Variants in CHODL observed in about 807,000 individuals in gnomAD.
The protein encoded by CHODL is transmembrane protein MT75.
A neutral mutation model predicts 34.5 loss-of-function variants in CHODL; 29 were observed. The ratio of observed to expected loss-of-function variants is 0.84; its 90% confidence interval spans 0.63 to 1.15. The LOEUF (loss-of-function observed/expected upper bound fraction) is 1.15, where lower values mean the gene tolerates loss of function less well. CHODL is among the 50% of genes most tolerant of loss of function. The pLI is 0.00. For missense variants in CHODL, 332 were observed against 332.5 expected (o/e 1.00, Z 0.01); for synonymous variants, 125 against 116.1 (o/e 1.08, Z -0.49).
chr21:18,213,950 C>T (rs533322154), intron 2 of CHODL, among the ~76,000 whole-genome samples: 8 of 152,068 alleles, frequency 5.3e-5, no homozygotes, highest in South Asian at 2.1e-4. Context: ...ATAACTTTTT[C>T]ATCTTAATAA....
intron 1 of CHODL, among the ~76,000 whole-genome samples, chr21:17,975,279 C>T (rs931661065): frequency 3.3e-5 from 5 of 151,906 alleles, no homozygotes; most frequent in African/African-American, 1.2e-4. Flanking sequence ...CATATGGACA[C>T]GTGTACTTGA....
chr21:18,069,940 C>A (rs2064776139), intron 2 of CHODL, among the ~76,000 whole-genome samples: 1 of 150,248 alleles, frequency 6.7e-6, no homozygotes, highest in Non-Finnish European at 1.5e-5. Context: ...CTCTCCCTCC[C>A]TCACTTCTTC....
At chr21:18,175,181 T>G (rs768587170) in intron 2 of CHODL, among the ~76,000 whole-genome samples, 28 of 152,222 alleles carry the variant, frequency 1.8e-4, no homozygotes, top group Non-Finnish European at 3.5e-4. Context: ...TAAATTGCAG[T>G]ACAGATGCAT....
intron 2 of CHODL, among the ~76,000 whole-genome samples, chr21:18,154,976 A>G (rs116952370): frequency 0.011 from 1,724 of 152,302 alleles, 19 homozygotes; most frequent in Non-Finnish European, 0.016. Context: ...GGTCATCACC[A>G]TGTAGGGCAT....
chr21:18,003,798 G>A (rs2063934206), intron 1 of CHODL, among the ~76,000 whole-genome samples: 1 of 152,182 alleles, frequency 6.6e-6, no homozygotes, highest in African/African-American at 2.4e-5. Flanking sequence ...CCAGCACAGG[G>A]CTTCAGCTCA....
chr21:17,991,261 A>T (rs982942463), intron 1 of CHODL, among the ~76,000 whole-genome samples: 1 of 152,104 alleles, frequency 6.6e-6, no homozygotes, highest in African/African-American at 2.4e-5. Context: ...TGCAGCAATA[A>T]ATGCTGGGGT....
intron 2 of CHODL, among the ~76,000 whole-genome samples, chr21:18,195,345 C>A (rs1298548279): frequency 6.6e-6 from 1 of 152,188 alleles, no homozygotes; most frequent in African/African-American, 2.4e-5. Flanking sequence ...TGAGCCACCG[C>A]ACCCAGCCCA....
intron 2 of CHODL, among the ~76,000 whole-genome samples, chr21:18,062,269 G>T (rs757060563): frequency 2.0e-5 from 3 of 151,994 alleles, no homozygotes; most frequent in Non-Finnish European, 4.4e-5. Context: ...TTATACAGGC[G>T]CCATCTCAGC....
intron 2 of CHODL, among the ~76,000 whole-genome samples, chr21:18,200,290 A>C (rs899296111): frequency 1.3e-5 from 2 of 152,198 alleles, no homozygotes; most frequent in Non-Finnish European, 2.9e-5. Flanking sequence ...AAAGAATTAT[A>C]CTGACAAAAT....
chr21:18,232,634 T>C (rs1252311269), intron 2 of CHODL, among the ~76,000 whole-genome samples: 1 of 152,022 alleles, frequency 6.6e-6, no homozygotes, highest in Non-Finnish European at 1.5e-5. Flanking sequence ...ATTCAGACGA[T>C]AGCAGTATTA....
chr21:18,245,826 A>G lies in CHODL; in HGVS notation c.79+524A>G, dbSNP rs1177266184. 5.0e-6 allele frequency: 6 copies of G among 1,190,566 alleles called. No individual in the cohort carries two copies. In the East Asian group the frequency reaches 1.0e-4, roughly 20 times the overall value. The allele number at this position is 1,190,566 out of a possible 1,614,324, so 73.8% of individuals were successfully genotyped here. A position where few individuals can be genotyped will look rare whatever the true frequency, so the allele number is the denominator to read the frequency against. ...TTCGGTCTTTGTTCTCAGCAGGACT[A>G]CTGGCAAGGAACTGAAGTGTGGTCA... On this transcript the variant is annotated intron_variant, in intron 1 of 5. Transcript: ENST00000299295.
intron 2 of CHODL, among the ~76,000 whole-genome samples, chr21:18,072,229 A>G (rs566682469): frequency 5.9e-5 from 9 of 152,174 alleles, no homozygotes; most frequent in African/African-American, 2.2e-4. Flanking sequence ...TATAATTCTG[A>G]TTGAAAAACA....
chr21:18,196,029 C>T lies in CHODL; in HGVS notation c.-44-60480C>T, dbSNP rs796560658. On this transcript the variant is annotated intron_variant, in intron 2 of 6. Transcript: ENST00000400127. ...GATATCCTCATCACCTTAGTTTCCT[C>T]GTGTGTAATATAAGAGTGTTGGATC... Among the ~76,000 whole-genome samples the T allele has an allele frequency of 3.9e-5, 6 of 152,202 alleles. 1 individual carries two copies. The highest frequency in any genetic ancestry group is 1.4e-4 in the African/African-American group (6 of 41,502).
intron 2 of CHODL, among the ~76,000 whole-genome samples, chr21:18,057,395 TACAG>T (rs2064596479): frequency 6.6e-6 from 1 of 152,060 alleles, no homozygotes; most frequent in South Asian, 2.1e-4. Flanking sequence ...AAAATGTACA[TACAG>T]AGAGTTCCCG....
chr21:17,927,902 A>G (rs1455832807), intron 1 of CHODL, among the ~76,000 whole-genome samples: 3 of 152,384 alleles, frequency 2.0e-5, no homozygotes, highest in East Asian at 1.9e-4. Context: ...CGCAACACAC[A>G]GAATAAAAAT....
At chr21:18,261,969 A>G (rs1018267088) in intron 4 of CHODL, among the ~76,000 whole-genome samples, 10 of 151,972 alleles carry the variant, frequency 6.6e-5, no homozygotes, top group African/African-American at 2.2e-4. Context: ...TCGTGACACT[A>G]AGCTTATTGG....
chr21:17,937,105 G>T (rs200714529), intron 1 of CHODL, among the ~76,000 whole-genome samples: 2 of 145,098 alleles, frequency 1.4e-5, no homozygotes, highest in Admixed American at 7.0e-5. Flanking sequence ...AAAAAATTAG[G>T]AGGAAGAGGA....
intron 2 of CHODL, among the ~76,000 whole-genome samples, chr21:18,139,095 ATGTT>A (rs1468544560): frequency 2.6e-5 from 4 of 152,060 alleles, no homozygotes; most frequent in African/African-American, 2.4e-5. Flanking sequence ...GCCTATGAGT[ATGTT>A]TGTGAATTTG....
chr21:18,028,500 C>G (rs1447017115), intron 2 of CHODL, among the ~76,000 whole-genome samples: 2 of 151,644 alleles, frequency 1.3e-5, no homozygotes, highest in African/African-American at 4.8e-5. Flanking sequence ...AGTTCAAGAC[C>G]AGCCTGACCA....
Sources: allele counts gnomAD v4.1 joint callset (sites outside exome capture counted in the v4.1 genomes callset), GRCh38; gene constraint gnomAD v4.1.1; transcripts MANE v1.5; gene names NCBI Gene and HGNC (gene_info 2026-07-23, HGNC 2026-07-21).